Variants in ANKS1B observed in about 807,000 individuals in gnomAD.
ANKS1B encodes ankyrin repeat and sterile alpha motif domain-containing protein 1B.
A neutral mutation model predicts 148.3 loss-of-function variants in ANKS1B; 36 were observed. The ratio of observed to expected loss-of-function variants is 0.24; its 90% CI spans 0.19 to 0.32. ANKS1B has a LOEUF of 0.32. ANKS1B is among the 10% of genes least tolerant of loss of function. ANKS1B has a pLI of 1.00. For synonymous variants in ANKS1B, 542 were observed against 560.8 expected, an observed-to-expected ratio of 0.97 and a Z score of 0.47; for missense variants, 1,157 against 1,542.6, an observed-to-expected ratio of 0.75 and a Z score of 4.19.
intron 12 of ANKS1B, among the ~76,000 whole-genome samples, chr12:99,307,677 T>C (rs981154358): frequency 6.6e-6 from 1 of 151,918 alleles, no homozygotes; most frequent in Non-Finnish European, 1.5e-5. Flanking sequence ...TGCTTTGTGC[T>C]TTTTGATTCT....
chr12:99,973,265 G>A lies in ANKS1B; in HGVS notation c.134+10839C>T, dbSNP rs548809019. On this transcript the variant is annotated intron_variant, in intron 1 of 26. Transcript: ENST00000683438. ...TGTAAGGTTATAGCTGCCATACCTA[G>A]TGGTAGCTATAGAACCACTAAGAAC... Among the ~76,000 whole-genome samples the A allele has an allele frequency of 7.9e-5, 12 of 152,334 alleles. No individual in the cohort carries two copies. In the South Asian group the frequency reaches 1.0e-3, roughly 13 times the overall value.
At chr12:99,568,266 C>T (rs12315484) in intron 9 of ANKS1B, among the ~76,000 whole-genome samples, 2,861 of 152,256 alleles carry the variant, frequency 0.019, 88 homozygotes, top group South Asian at 0.066. Flanking sequence ...TCTTCCTCTA[C>T]CTTCAAAAGC....
chr12:99,929,421 C>G (rs1387621195), intron 1 of ANKS1B, among the ~76,000 whole-genome samples: 1 of 152,034 alleles, frequency 6.6e-6, no homozygotes, highest in Non-Finnish European at 1.5e-5. Context: ...GAGTAGGTTG[C>G]AAAAATTTTC....
intron 8 of ANKS1B, among the ~76,000 whole-genome samples, chr12:99,730,901 G>GGTATTT (rs1203925848): frequency 5.3e-5 from 8 of 151,994 alleles, no homozygotes; most frequent in Non-Finnish European, 1.0e-4. Flanking sequence ...TATGTTGTTG[G>GGTATTT]GTATTTTTGT....
intron 10 of ANKS1B, among the ~76,000 whole-genome samples, chr12:99,474,199 G>A (rs768550107): frequency 6.6e-5 from 10 of 151,848 alleles, no homozygotes; most frequent in African/African-American, 1.9e-4. Flanking sequence ...GTCCATTTTC[G>A]TATGTAAGTC....
chr12:99,917,438 C>A (rs2094205592), intron 1 of ANKS1B, among the ~76,000 whole-genome samples: 1 of 152,266 alleles, frequency 6.6e-6, no homozygotes, highest in Admixed American at 6.5e-5. Flanking sequence ...CTCCCTCTCA[C>A]CAAGGGTAAT....
chr12:98,836,420 G>A (rs2153708620), intron 17 of ANKS1B, among the ~76,000 whole-genome samples: 1 of 152,298 alleles, frequency 6.6e-6, no homozygotes, highest in Middle Eastern at 3.4e-3. Context: ...GGCTCACTGT[G>A]GAGTGGTAGA....
chr12:99,675,105 G>A (rs1175360710), intron 8 of ANKS1B, among the ~76,000 whole-genome samples: 1 of 151,880 alleles, frequency 6.6e-6, no homozygotes, highest in Non-Finnish European at 1.5e-5. Context: ...CATAATGTTT[G>A]GTGAGGGGCT....
chr12:99,115,476 T>C (rs2061155901), intron 15 of ANKS1B, among the ~76,000 whole-genome samples: 1 of 152,134 alleles, frequency 6.6e-6, no homozygotes, highest in African/African-American at 2.4e-5. Context: ...TTGAGGGTGA[T>C]GGTTGGGAGA....
intron 17 of ANKS1B, among the ~76,000 whole-genome samples, chr12:98,993,317 G>A (rs1483961059): frequency 1.3e-5 from 2 of 152,064 alleles, no homozygotes; most frequent in South Asian, 2.1e-4. Context: ...ACAGCTGCAC[G>A]CCACCATGCC....
chr12:99,962,091 C>T (rs568966641), intron 1 of ANKS1B, among the ~76,000 whole-genome samples: 3 of 151,914 alleles, frequency 2.0e-5, no homozygotes, highest in African/African-American at 7.2e-5. Context: ...TTTAATTTTA[C>T]TTTAAGTTCC....
Position 99,032,729 on chromosome 12 carries a change from T to C in ANKS1B, c.2778+20428A>G, listed in dbSNP as rs942878965. ...GAAAATTTATTCCACTTTCCTTATT[T>C]ATTTTTGTTGGGTCTCATGAACTTT... On this transcript the variant is annotated intron_variant, in intron 17 of 26. Transcript: ENST00000683438. Among the ~76,000 whole-genome samples, 5 of 152,344 alleles carry C rather than the reference T, an allele frequency of 3.3e-5. No individual in the cohort carries two copies. The South Asian group carries it at 1.0e-3, about 32-fold the overall frequency.
At chr12:99,525,119 C>T (rs995126356) in intron 9 of ANKS1B, among the ~76,000 whole-genome samples, 3 of 151,900 alleles carry the variant, frequency 2.0e-5, no homozygotes, top group African/African-American at 7.3e-5. Context: ...TTTTTTTATG[C>T]CACTAAATGT....
chr12:99,669,358 A>T (rs1178041398), intron 8 of ANKS1B, among the ~76,000 whole-genome samples: 1 of 152,134 alleles, frequency 6.6e-6, no homozygotes, highest in Non-Finnish European at 1.5e-5. Context: ...GTATTTCTTT[A>T]AAAATTACTG....
chr12:99,752,520 T>C (rs2061202801), intron 8 of ANKS1B, among the ~76,000 whole-genome samples: 1 of 151,786 alleles, frequency 6.6e-6, no homozygotes, highest in Non-Finnish European at 1.5e-5. Context: ...TGAAGAAAAA[T>C]GGATTAGCTT....
intron 17 of ANKS1B, among the ~76,000 whole-genome samples, chr12:98,906,111 A>T (rs2152808027): frequency 6.6e-6 from 1 of 152,360 alleles, no homozygotes. Flanking sequence ...ATGGGTCCCT[A>T]GTGGGTATGG....
intron 17 of ANKS1B, among the ~76,000 whole-genome samples, chr12:98,834,722 T>C (rs2099352231): frequency 6.6e-6 from 1 of 152,216 alleles, no homozygotes. Context: ...AGATGATTTA[T>C]AAATATGCTA....
intron 9 of ANKS1B, among the ~76,000 whole-genome samples, chr12:99,520,646 T>G (rs530063255): frequency 6.6e-6 from 1 of 152,294 alleles, no homozygotes; most frequent in Non-Finnish European, 1.5e-5. Context: ...GTATTATCCC[T>G]TTGAATAAAC....
intron 16 of ANKS1B, among the ~76,000 whole-genome samples, chr12:99,053,614 A>T (rs1169415160): frequency 6.6e-6 from 1 of 152,190 alleles, no homozygotes; most frequent in Non-Finnish European, 1.5e-5. Flanking sequence ...TGGTGGGTGG[A>T]ATTAAAAATG....
Sources: gnomAD v4.1 joint callset for allele counts (sites outside exome capture counted in the v4.1 genomes callset) on GRCh38, gnomAD v4.1.1 for gene constraint, MANE v1.5 for transcripts, NCBI Gene and HGNC (gene_info 2026-07-23, HGNC 2026-07-21) for gene names.